RGPD8: variants seen among roughly 807,000 people sequenced by gnomAD.
RGPD8 encodes the protein RANBP2-like and GRIP domain-containing protein 8.
RGPD8 carries 15 observed loss-of-function variants against 89.1 expected under a neutral mutation model. The ratio of observed to expected loss-of-function variants is 0.17; its 90% CI spans 0.11 to 0.26. The LOEUF (loss-of-function observed/expected upper bound fraction) is 0.26. RGPD8 is among the 10% of genes least tolerant of loss of function. RGPD8 has a pLI of 1.00. For synonymous variants in RGPD8, 62 were observed against 420.9 expected (o/e 0.15, Z 10.44); for missense variants, 178 against 1,179.6 (o/e 0.15, Z 12.44).
intron 1 of RGPD8, among the ~76,000 whole-genome samples, chr2:112,432,011 C>T (rs1680063062): frequency 6.6e-6 from 1 of 152,170 alleles, no homozygotes; most frequent in East Asian, 1.9e-4. Flanking sequence ...AAGCAATAAC[C>T]TAAATGTTTA....
intron 1 of RGPD8, among the ~76,000 whole-genome samples, chr2:112,424,767 CATA>C (rs1181631703): frequency 9.3e-5 from 14 of 150,608 alleles, no homozygotes; most frequent in Admixed American, 6.0e-4. Flanking sequence ...TCATCATCAT[CATA>C]AATAAGCTGG....
chr2:112,372,749 A>AGTCT (rs1677992034), intron 22 of RGPD8, among the ~76,000 whole-genome samples: 1 of 42,668 alleles, frequency 2.3e-5, no homozygotes, highest in East Asian at 6.0e-4. Context: ...GTGCTTAGAT[A>AGTCT]GGGTGCATTT....
At chr2:112,423,706 T>TAA (rs3979360) in intron 2 of RGPD8, among the ~76,000 whole-genome samples, 2 of 108,860 alleles carry the variant, frequency 1.8e-5, no homozygotes, top group Admixed American at 9.7e-5. Context: ...AGATACTGCC[T>TAA]AAAAAAAAAA....
chr2:112,415,027 A>G (rs1679329734), intron 6 of RGPD8, among the ~76,000 whole-genome samples: 1 of 142,620 alleles, frequency 7.0e-6, no homozygotes, highest in Admixed American at 6.9e-5. Context: ...CTCAAAAAAA[A>G]AAAAGATCGA....
At chr2:112,422,438 C>A (rs1324424616) in intron 3 of RGPD8, 110 bp downstream of exon 3, 2 of 1,490,844 alleles carry the variant, frequency 1.3e-6, no homozygotes. Flanking sequence ...ACTATGATAC[C>A]AATGCCTGTT....
At chr2:112,374,932 G>A (rs1422422957) in intron 22 of RGPD8, among the ~76,000 whole-genome samples, 74 of 133,132 alleles carry the variant, frequency 5.6e-4, no homozygotes, top group African/African-American at 1.8e-3. Flanking sequence ...GCACCATCTC[G>A]GCTCACTGCA....
chr2:112,415,715 A>C (rs1213139326), intron 6 of RGPD8, among the ~76,000 whole-genome samples: 2 of 62,850 alleles, frequency 3.2e-5, no homozygotes, highest in East Asian at 7.7e-4. Context: ...TCTGTCTCAA[A>C]AAAAAAAAAA....
chr2:112,390,453 T>C (rs1678653638), intron 19 of RGPD8, among the ~76,000 whole-genome samples: 1 of 140,710 alleles, frequency 7.1e-6, no homozygotes, highest in Admixed American at 7.2e-5. Context: ...TTTAATATCC[T>C]CAAAAACCCT....
chr2:112,420,169 C>CAAA (rs1171607081), intron 4 of RGPD8, among the ~76,000 whole-genome samples: 1 of 26,166 alleles, frequency 3.8e-5, no homozygotes, highest in Non-Finnish European at 6.7e-5. Context: ...GACTCTGTCT[C>CAAA]AAAAAAAAAA....
chr2:112,420,854 TG>T (rs1156252506), intron 4 of RGPD8, among the ~76,000 whole-genome samples: 2 of 146,480 alleles, frequency 1.4e-5, no homozygotes, highest in African/African-American at 5.0e-5. Context: ...ACATACACAT[TG>T]TACCAATGTC....
chr2:112,374,223 GTTA>G (rs1475093964), intron 22 of RGPD8, among the ~76,000 whole-genome samples: 7 of 141,576 alleles, frequency 4.9e-5, no homozygotes, highest in East Asian at 2.1e-4. Context: ...TGCAGTGTTG[GTTA>G]TTATTTTCAA....
intron 1 of RGPD8, among the ~76,000 whole-genome samples, chr2:112,429,733 C>A (rs974115634): frequency 6.6e-6 from 1 of 152,086 alleles, no homozygotes; most frequent in African/African-American, 2.4e-5. Context: ...AATAAGAAAT[C>A]GACTTGACAG....
Position 112,417,192 on chromosome 2 carries a change from C to T in RGPD8, c.782+1G>A. 6.2e-7 allele frequency: 1 copy of T among 1,609,222 alleles called. No homozygotes were observed. Among genetic ancestry groups the T allele is most frequent in the Non-Finnish European group, 8.5e-7 (1 of 1,179,814 alleles). On this transcript the variant is annotated splice_donor_variant, in intron 6 of 22. Transcript: ENST00000302558. LOFTEE classifies it high-confidence loss of function. ...AAGCATTCTCCTCAAAGTCTACGCA[C>T]CTTTCCAGTAATTCTCTATTTTCCT...
chr2:112,426,825 TC>T (rs1679789943), intron 1 of RGPD8, among the ~76,000 whole-genome samples: 1 of 139,330 alleles, frequency 7.2e-6, no homozygotes, highest in Admixed American at 7.4e-5. Flanking sequence ...GTTCCCCCCT[TC>T]CTTTTTTTTT....
intron 1 of RGPD8, among the ~76,000 whole-genome samples, chr2:112,430,499 C>T (rs1390995699): frequency 6.6e-6 from 1 of 152,060 alleles, no homozygotes; most frequent in Admixed American, 6.6e-5. Flanking sequence ...AATAACCAAT[C>T]GTCAAAATGT....
At chr2:112,425,645 C>T (rs989343502) in intron 1 of RGPD8, among the ~76,000 whole-genome samples, 8 of 151,254 alleles carry the variant, frequency 5.3e-5, no homozygotes, top group Admixed American at 1.3e-4. Flanking sequence ...CTGTAATCCC[C>T]GCTGCTTGGG....
intron 22 of RGPD8, among the ~76,000 whole-genome samples, chr2:112,373,471 A>C (rs1342480916): frequency 1.3e-5 from 2 of 152,288 alleles, no homozygotes; most frequent in Admixed American, 1.3e-4. Context: ...AATACACCCA[A>C]ACCCACAGAA....
chr2:112,428,968 CACA>C (rs531206358), intron 1 of RGPD8, among the ~76,000 whole-genome samples: 57 of 152,054 alleles, frequency 3.7e-4, no homozygotes, highest in Middle Eastern at 3.4e-3. Context: ...CAAAAAACTG[CACA>C]ACAAGGGCAA....
At chr2:112,428,692 TAGAC>T (rs1679882789) in intron 1 of RGPD8, among the ~76,000 whole-genome samples, 6 of 152,048 alleles carry the variant, frequency 3.9e-5, no homozygotes, top group Non-Finnish European at 8.8e-5. Context: ...GTATTCCAGG[TAGAC>T]AGACAATCAA....
Sources: allele counts gnomAD v4.1 joint callset (sites outside exome capture counted in the v4.1 genomes callset), GRCh38; gene constraint gnomAD v4.1.1; transcripts MANE v1.5; gene names NCBI Gene and HGNC (gene_info 2026-07-23, HGNC 2026-07-21).